The following SH3BP5 variants were observed in gnomAD, a reference collection of about 807,000 sequenced individuals.
The protein encoded by SH3BP5 is SH3 domain binding protein 5.
SH3BP5 carries 22 observed loss-of-function variants against 43.3 expected under a neutral mutation model. The ratio of observed to expected loss-of-function variants is 0.51; its 90% CI spans 0.36 to 0.73. The LOEUF (loss-of-function observed/expected upper bound fraction) is 0.73, where lower values mean the gene tolerates loss of function less well. Among genes scored for constraint, SH3BP5 ranks in the 30% least tolerant of loss-of-function variants. The probability of loss-of-function intolerance (pLI) is 0.00; values close to 1 mark genes in which losing one functional copy is unlikely to be tolerated. For missense variants in SH3BP5, 529 were observed against 586.9 expected (o/e 0.90, Z 1.02); for synonymous variants, 255 against 225.8 (o/e 1.13, Z -1.16).
chr3:15,272,695 ACATTACAAAACAGAGTGCC>A (rs1426095732), intron 3 of SH3BP5, among the ~76,000 whole-genome samples: 34 of 141,348 alleles, frequency 2.4e-4, no homozygotes, highest in African/African-American at 9.3e-4. Context: ...TAGGATAAAG[ACATTACAAAACAGAGTGCC>A]TGTAGGAGAT....
At chr3:15,331,483 G>C (rs557842761) in intron 1 of SH3BP5, among the ~76,000 whole-genome samples, 2 of 152,160 alleles carry the variant, frequency 1.3e-5, no homozygotes, top group African/African-American at 2.4e-5. Context: ...GATTTGCTCT[G>C]CTTTTTGCTT....
At chr3:15,303,660 G>A (rs1219564443) in intron 3 of SH3BP5, among the ~76,000 whole-genome samples, 1 of 151,042 alleles carries the variant, frequency 6.6e-6, no homozygotes, top group Admixed American at 6.6e-5. Flanking sequence ...GCTAAGGAGT[G>A]TATAACAACT....
chr3:15,308,888 T>G (rs9845548), intron 2 of SH3BP5, among the ~76,000 whole-genome samples: 2,919 of 152,278 alleles, frequency 0.019, 83 homozygotes, highest in African/African-American at 0.064. Context: ...CTCAAGTAAT[T>G]TATTTCCAAT....
At chr3:15,268,914 A>C (rs759030666) in intron 4 of SH3BP5, among the ~76,000 whole-genome samples, 24 of 152,304 alleles carry the variant, frequency 1.6e-4, no homozygotes, top group Middle Eastern at 3.4e-3. Context: ...TCTGTGAACC[A>C]AGAAACAGGC....
chr3:15,259,666 A>T, intron 6 of SH3BP5, 95 bp downstream of exon 6: 1 of 1,128,154 alleles, frequency 8.9e-7, no homozygotes, highest in Non-Finnish European at 1.4e-6. Context: ...TTCCCCTTAT[A>T]GCAAGTGGCC....
In SH3BP5 at chr3:15,262,196, G is replaced by A. The variant is rs745739545; in HGVS notation, c.589C>T (p.Leu197=). 1 of 1,614,104 alleles carries A rather than the reference G, an allele frequency of 6.2e-7. No individual in the cohort carries two copies. The highest frequency in any genetic ancestry group is 1.1e-5 in the South Asian group (1 of 91,080). The change falls in exon 5 of 9, where the codon CTG becomes TTG. Residue 197 remains leucine (L), a synonymous_variant. Coordinates refer to ENST00000383791, the MANE Select transcript of SH3BP5 (RefSeq NM_004844.5). ...YNAAMGRMRQ[L]EKKLKRAINK... ...ATGGCTCTCTTGAGTTTCTTCTCCA[G>A]CTGTCGCATGCGGCCCATGGCGGCA...
At chr3:15,262,106 G>A (rs1375695260) in intron 5 of SH3BP5, 53 bp downstream of exon 5, 4 of 1,601,230 alleles carry the variant, frequency 2.5e-6, no homozygotes, top group African/African-American at 2.7e-5. Flanking sequence ...AGGCTGAGAA[G>A]ATGCAGACTA....
chr3:15,303,876 A>G (rs1046539419), intron 3 of SH3BP5, among the ~76,000 whole-genome samples: 29 of 152,132 alleles, frequency 1.9e-4, no homozygotes, highest in Non-Finnish European at 4.1e-4. Context: ...CTCAGCACCA[A>G]CTCAGGGAGA....
chr3:15,306,842 T>C (rs1036525418), intron 2 of SH3BP5, among the ~76,000 whole-genome samples: 1 of 152,006 alleles, frequency 6.6e-6, no homozygotes, highest in African/African-American at 2.4e-5. Flanking sequence ...CTAATTTTTT[T>C]TTCGTATTTT....
At chr3:15,272,239 A>C (rs1696822138) in intron 3 of SH3BP5, among the ~76,000 whole-genome samples, 1 of 152,196 alleles carries the variant, frequency 6.6e-6, no homozygotes, top group African/African-American at 2.4e-5. Flanking sequence ...GTGATTGTGT[A>C]CTGCATACCA....
At chr3:15,261,229 T>G (rs1696425434) in intron 5 of SH3BP5, among the ~76,000 whole-genome samples, 1 of 152,190 alleles carries the variant, frequency 6.6e-6, no homozygotes, top group Non-Finnish European at 1.5e-5. Context: ...TTAAGTGCAA[T>G]AGTAAATGGT....
chr3:15,295,970 T>TAA lies in SH3BP5; in HGVS notation c.330+8131_330+8132dup, dbSNP rs5846862. The stretch of plus-strand genomic sequence containing the variant: ...ATATAATTGATTGTAAGAAACACAC[T>TAA]AAATAAGGGGTCTTTAAACAGAAAC... On this transcript the variant is annotated intron_variant, in intron 3 of 8. Coordinates refer to ENST00000383791, the MANE Select transcript of SH3BP5 (RefSeq NM_004844.5). Among the ~76,000 whole-genome samples the TAA allele has an allele frequency of 4.0e-5, 6 of 151,524 alleles. No individual in the cohort carries two copies. The South Asian group carries it at 6.2e-4, about 16-fold the overall frequency.
intron 1 of SH3BP5, among the ~76,000 whole-genome samples, chr3:15,331,416 A>T (rs1559463100): frequency 1.3e-5 from 2 of 152,188 alleles, no homozygotes; most frequent in African/African-American, 2.4e-5. Context: ...CTTAAAAGCA[A>T]TTTTTTTAAA....
intron 3 of SH3BP5, among the ~76,000 whole-genome samples, chr3:15,270,383 G>A (rs1201009537): frequency 1.3e-5 from 2 of 152,200 alleles, no homozygotes; most frequent in South Asian, 2.1e-4. Flanking sequence ...ATGCAGAGCT[G>A]TGCCAGACTC....
chr3:15,315,154 G>A (rs1698154090), intron 2 of SH3BP5, among the ~76,000 whole-genome samples: 1 of 151,418 alleles, frequency 6.6e-6, no homozygotes, highest in African/African-American at 2.4e-5. Flanking sequence ...ATAAGGAGAG[G>A]CACTATTAAT....
intron 4 of SH3BP5, among the ~76,000 whole-genome samples, 197 bp from the exon 5 acceptor site, chr3:15,262,486 G>A (rs1310674641): frequency 6.6e-6 from 1 of 152,010 alleles, no homozygotes; most frequent in Non-Finnish European, 1.5e-5. Context: ...GGTGAAACCC[G>A]TCACTGCTAA....
At chr3:15,256,743 G>T in intron 8 of SH3BP5, 110 bp downstream of exon 8, 1 of 1,251,730 alleles carries the variant, frequency 8.0e-7, no homozygotes, top group Non-Finnish European at 1.1e-6. Flanking sequence ...ACAGAGACCT[G>T]GTAATGCAGC....
rs985806093 is a variant in SH3BP5 at position 15,255,180 on chromosome 3, A to G, written c.*906T>C. On this transcript the variant is annotated 3_prime_UTR_variant, in exon 9 of 9. Coordinates refer to ENST00000383791, the MANE Select transcript of SH3BP5 (RefSeq NM_004844.5). ...CTGCCTACTCCCTTTCCTAACTTTA[A>G]AGAACTGTTTCCTCTAAGGAATACT... The G allele has an allele frequency of 6.6e-6, 1 of 152,594 alleles. No homozygotes were observed. The highest frequency in any genetic ancestry group is 1.5e-5 in the Non-Finnish European group (1 of 68,024). The allele number at this position is 152,594 out of a possible 1,614,324, so 9.5% of individuals were successfully genotyped here.
intron 2 of SH3BP5, among the ~76,000 whole-genome samples, chr3:15,307,933 AC>A (rs1697955162): frequency 6.6e-6 from 1 of 152,280 alleles, no homozygotes; most frequent in Admixed American, 6.5e-5. Flanking sequence ...GCAGTGGCCT[AC>A]GGGCCAATAA....
Sources: gnomAD v4.1 joint callset for allele counts (sites outside exome capture counted in the v4.1 genomes callset) on GRCh38, gnomAD v4.1.1 for gene constraint, MANE v1.5 for transcripts, NCBI Gene and HGNC (gene_info 2026-07-23, HGNC 2026-07-21) for gene names.